Variants in EYS observed in about 807,000 individuals in gnomAD.
The protein encoded by EYS is EGF-like photoreceptor maintenance factor.
In EYS, 250 loss-of-function variants were observed where a neutral mutation model predicts 282.1. That is an observed-to-expected ratio of 0.89 (90% CI 0.80 to 0.98). The LOEUF (loss-of-function observed/expected upper bound fraction) is 0.98, where lower values mean the gene tolerates loss of function less well. EYS is among the 50% of genes least tolerant of loss of function. EYS has a pLI of 0.00. For synonymous variants in EYS, 1,355 were observed against 1,282.9 expected (o/e 1.06, Z -1.20); for missense variants, 4,016 against 3,709.0 (o/e 1.08, Z -2.15).
At chr6:64,860,830 AT>A (rs1327527165) in intron 19 of EYS, among the ~76,000 whole-genome samples, 1 of 152,198 alleles carries the variant, frequency 6.6e-6, no homozygotes, top group Admixed American at 6.5e-5. Context: ...TTATTGAGCA[AT>A]AGAACAGCTC....
At chr6:65,628,195 G>T (rs1766785849) in intron 2 of EYS, among the ~76,000 whole-genome samples, 1 of 152,146 alleles carries the variant, frequency 6.6e-6, no homozygotes, top group African/African-American at 2.4e-5. Flanking sequence ...TCAGCACCCT[G>T]TGTTTAGCTC....
chr6:65,471,229 C>CAAAAAAA (rs527251318), intron 5 of EYS, among the ~76,000 whole-genome samples: 3 of 96,726 alleles, frequency 3.1e-5, no homozygotes, highest in African/African-American at 3.8e-5. Flanking sequence ...CTCATCTTTA[C>CAAAAAAA]AAAAAAAAAA....
chr6:65,414,817 G>A (rs952860742), intron 5 of EYS, among the ~76,000 whole-genome samples: 4 of 152,074 alleles, frequency 2.6e-5, no homozygotes, highest in Non-Finnish European at 5.9e-5. Context: ...AGTATTTAAA[G>A]CCAAGAGAAC....
intron 11 of EYS, among the ~76,000 whole-genome samples, chr6:65,318,279 C>CAG (rs375488041): frequency 8.4e-4 from 126 of 150,012 alleles, no homozygotes; most frequent in African/African-American, 2.5e-3. Flanking sequence ...AGCAATAGAT[C>CAG]AGAGAGAGAG....
At chr6:63,921,994 G>C (rs1379845154) in intron 35 of EYS, among the ~76,000 whole-genome samples, 4 of 152,174 alleles carry the variant, frequency 2.6e-5, no homozygotes, top group Non-Finnish European at 5.9e-5. Context: ...TAATAAGACT[G>C]TGGCCTTATA....
At chr6:65,063,357 A>G (rs1248616521) in intron 12 of EYS, among the ~76,000 whole-genome samples, 1 of 152,006 alleles carries the variant, frequency 6.6e-6, no homozygotes, top group African/African-American at 2.4e-5. Flanking sequence ...ATTTATTCTA[A>G]ACAAAAGTCT....
At chr6:65,706,916 T>A (rs1338907385) in intron 1 of EYS, among the ~76,000 whole-genome samples, 2 of 152,174 alleles carry the variant, frequency 1.3e-5, no homozygotes, top group Non-Finnish European at 2.9e-5. Flanking sequence ...ATCCAAGGAA[T>A]ATAAAGCACA....
At chr6:64,858,696 G>A (rs943651140) in intron 19 of EYS, among the ~76,000 whole-genome samples, 1 of 151,912 alleles carries the variant, frequency 6.6e-6, no homozygotes, top group Non-Finnish European at 1.5e-5. Flanking sequence ...AACAATAAAT[G>A]CAGGATACCA....
chr6:65,101,755 C>A (rs2150183581), intron 12 of EYS, among the ~76,000 whole-genome samples: 1 of 151,180 alleles, frequency 6.6e-6, no homozygotes, highest in African/African-American at 2.4e-5. Flanking sequence ...GGGTAATGAC[C>A]TTATTTTTTT....
chr6:64,962,402 T>C (rs912700050), intron 14 of EYS, among the ~76,000 whole-genome samples: 2 of 152,034 alleles, frequency 1.3e-5, no homozygotes, highest in African/African-American at 4.8e-5. Context: ...ATAGATAAAT[T>C]GTGTTATTTC....
At chr6:64,484,983 G>T (rs1776540231) in intron 26 of EYS, among the ~76,000 whole-genome samples, 1 of 151,606 alleles carries the variant, frequency 6.6e-6, no homozygotes, top group Non-Finnish European at 1.5e-5. Context: ...AAACAAAAAT[G>T]TGAAGGGAAT....
At chr6:63,888,500 G>A (rs1238496185) in intron 35 of EYS, among the ~76,000 whole-genome samples, 1 of 152,196 alleles carries the variant, frequency 6.6e-6, no homozygotes, top group Non-Finnish European at 1.5e-5. Flanking sequence ...GGGAAACAAG[G>A]TCTGGAGTGG....
intron 30 of EYS, among the ~76,000 whole-genome samples, chr6:64,287,025 A>G (rs1243414027): frequency 6.6e-6 from 1 of 152,208 alleles, no homozygotes; most frequent in Non-Finnish European, 1.5e-5. Context: ...TGAATAATTT[A>G]TATGTAAAAA....
intron 16 of EYS, 56 bp downstream of exon 16, chr6:64,912,428 T>C (rs888440341): frequency 6.7e-7 from 1 of 1,496,730 alleles, no homozygotes; most frequent in Non-Finnish European, 9.1e-7. Context: ...GCACAATAAA[T>C]ACACAAACTA....
chr6:65,616,478 C>G (rs200840247), intron 2 of EYS, among the ~76,000 whole-genome samples: 1 of 111,050 alleles, frequency 9.0e-6, no homozygotes, highest in African/African-American at 3.1e-5. Flanking sequence ...GCATTATTTT[C>G]CTATATGTTT....
intron 30 of EYS, among the ~76,000 whole-genome samples, chr6:64,268,470 A>T (rs1447309207): frequency 6.6e-6 from 1 of 152,048 alleles, no homozygotes; most frequent in African/African-American, 2.4e-5. Flanking sequence ...ATAATAATGA[A>T]AGAACAATAT....
chr6:64,108,690 T>C (rs1773110215), intron 31 of EYS, among the ~76,000 whole-genome samples: 1 of 151,804 alleles, frequency 6.6e-6, no homozygotes, highest in African/African-American at 2.4e-5. Flanking sequence ...GAAGAATGAC[T>C]CCCACACAGA....
intron 35 of EYS, 74 bp downstream of exon 35, chr6:63,984,309 T>C: frequency 1.9e-6 from 2 of 1,074,306 alleles, no homozygotes; most frequent in Non-Finnish European, 2.8e-6. Flanking sequence ...CAGAGGACAA[T>C]ACTGCTGGCT....
At chr6:64,527,927 G>C (rs1009517493) in intron 26 of EYS, among the ~76,000 whole-genome samples, 1 of 151,524 alleles carries the variant, frequency 6.6e-6, no homozygotes, top group South Asian at 2.1e-4. Context: ...AAAACATTCC[G>C]TTTGCTTAAA....
Sources: gnomAD v4.1 joint callset for allele counts (sites outside exome capture counted in the v4.1 genomes callset) on GRCh38, gnomAD v4.1.1 for gene constraint, MANE v1.5 for transcripts, NCBI Gene and HGNC (gene_info 2026-07-23, HGNC 2026-07-21) for gene names.